The following KIAA1217 variants were observed in gnomAD, a reference collection of about 807,000 sequenced individuals.
KIAA1217 encodes the protein KIAA1217, also known as sickle tail protein homolog.
A neutral mutation model predicts 163.9 loss-of-function variants in KIAA1217; 88 were observed. The observed-to-expected ratio is 0.54, with a 90% CI of 0.45 to 0.64. The LOEUF is 0.64. Ranked by LOEUF, KIAA1217 falls within the 30% of genes least tolerant of loss-of-function variation. The probability of loss-of-function intolerance (pLI) is 0.00; values close to 1 mark genes in which losing one functional copy is unlikely to be tolerated. For missense variants in KIAA1217, 2,372 were observed against 2,475.0 expected (o/e 0.96, Z 0.88); for synonymous variants, 903 against 923.1 (o/e 0.98, Z 0.39).
intron 2 of KIAA1217, among the ~76,000 whole-genome samples, chr10:24,065,773 G>T (rs796850330): frequency 2.0e-5 from 3 of 152,152 alleles, no homozygotes; most frequent in Non-Finnish European, 4.4e-5. Context: ...TTGTGTGGGA[G>T]TCTAAGTCTC....
chr10:24,410,416 A>T (rs2131317232), intron 3 of KIAA1217, among the ~76,000 whole-genome samples: 1 of 152,152 alleles, frequency 6.6e-6, no homozygotes, highest in South Asian at 2.1e-4. Flanking sequence ...GGTCACACAC[A>T]TTTTTCTGCA....
chr10:24,341,656 G>C (rs1343288323), intron 2 of KIAA1217, among the ~76,000 whole-genome samples: 1 of 152,160 alleles, frequency 6.6e-6, no homozygotes, highest in Non-Finnish European at 1.5e-5. Context: ...AATGAACTGA[G>C]GTTGTAATTT....
At chr10:24,324,574 A>G (rs560393485) in intron 2 of KIAA1217, among the ~76,000 whole-genome samples, 1 of 152,286 alleles carries the variant, frequency 6.6e-6, no homozygotes, top group East Asian at 1.9e-4. Flanking sequence ...ATCAAAACAA[A>G]CAAACAAACA....
chr10:23,719,562 C>T (rs1837751389), intron 1 of KIAA1217, among the ~76,000 whole-genome samples: 1 of 141,678 alleles, frequency 7.1e-6, no homozygotes, highest in Non-Finnish European at 1.5e-5. Context: ...GCCTGGGTGA[C>T]AAAGCGAGAC....
intron 1 of KIAA1217, among the ~76,000 whole-genome samples, chr10:23,950,709 T>TG (rs1175452618): frequency 9.2e-5 from 14 of 152,042 alleles, no homozygotes; most frequent in Admixed American, 9.2e-4. Context: ...TGAAAAGGGA[T>TG]GGGGTGGGGA....
intron 2 of KIAA1217, among the ~76,000 whole-genome samples, chr10:24,327,527 G>GT (rs2045079936): frequency 1.3e-5 from 2 of 152,124 alleles, no homozygotes; most frequent in Non-Finnish European, 2.9e-5. Flanking sequence ...GTCTTGTTCT[G>GT]TTGCCCAGGC....
chr10:23,909,355 TA>T (rs1302835070), intron 1 of KIAA1217, among the ~76,000 whole-genome samples: 7 of 150,526 alleles, frequency 4.7e-5, no homozygotes, highest in East Asian at 3.9e-4. Flanking sequence ...CCATTGGAAA[TA>T]AAAAAAATTA....
At chr10:24,415,440 C>T (rs758973167) in intron 3 of KIAA1217, among the ~76,000 whole-genome samples, 1 of 151,990 alleles carries the variant, frequency 6.6e-6, no homozygotes, top group South Asian at 2.1e-4. Context: ...ACCCTCCTTG[C>T]ACCTGTACTT....
At chr10:24,538,738 T>TTTG (rs201940208) in intron 17 of KIAA1217, among the ~76,000 whole-genome samples, 7,573 of 138,708 alleles carry the variant, frequency 0.055, 1,005 homozygotes, top group African/African-American at 0.18. Flanking sequence ...TTTGGTTTTT[T>TTTG]TTTTTTTTTT....
At chr10:24,542,425 T>A in intron 17 of KIAA1217, 1 of 962,396 alleles carries the variant, frequency 1.0e-6, no homozygotes, top group South Asian at 2.1e-5. Flanking sequence ...TCTGTCCCTT[T>A]ATTTTCTTCA....
intron 13 of KIAA1217, among the ~76,000 whole-genome samples, chr10:24,527,593 G>T (rs574903081): frequency 6.6e-6 from 1 of 152,040 alleles, no homozygotes; most frequent in Non-Finnish European, 1.5e-5. Flanking sequence ...AAGCCCAGAT[G>T]TTGGAGGCTG....
chr10:24,259,357 A>G (rs747310631), intron 2 of KIAA1217, among the ~76,000 whole-genome samples: 2 of 152,138 alleles, frequency 1.3e-5, no homozygotes, highest in Non-Finnish European at 1.5e-5. Context: ...ATATACCTGT[A>G]ACTTCAGTGC....
At position 23,912,379 on chromosome 10, in the gene KIAA1217, T is replaced by C. The variant is rs140182465; in HGVS notation, c.-320-94846T>C. ...TTTTTGGTTTGGGGTTATACGTGCA[T>C]GTTTGTTATATAATTGCGTAGTGGT... On this transcript the variant is annotated intron_variant, in intron 1 of 18. Transcript: ENST00000376462. Among the ~76,000 whole-genome samples the C allele has an allele frequency of 4.3e-4, 62 of 144,458 alleles. 3 individuals carry two copies. The East Asian group carries it at 0.012, about 28-fold the overall frequency. The allele number at this position is 144,458 out of a possible 152,430, so 94.8% of individuals were successfully genotyped here. A position where few individuals can be genotyped will look rare whatever the true frequency, so the allele number is the denominator to read the frequency against.
intron 2 of KIAA1217, among the ~76,000 whole-genome samples, chr10:24,126,115 C>T (rs565825168): frequency 6.6e-6 from 1 of 152,048 alleles, no homozygotes; most frequent in East Asian, 1.9e-4. Flanking sequence ...TTAAATAATG[C>T]CAATTTATAA....
chr10:23,821,253 G>A (rs796759172), intron 1 of KIAA1217, among the ~76,000 whole-genome samples: 2 of 152,118 alleles, frequency 1.3e-5, no homozygotes, highest in South Asian at 4.1e-4. Context: ...TGTGTTTTAA[G>A]TGTCAGTTCC....
intron 1 of KIAA1217, among the ~76,000 whole-genome samples, chr10:23,849,107 G>T (rs1481864623): frequency 1.3e-5 from 2 of 152,038 alleles, no homozygotes; most frequent in Non-Finnish European, 2.9e-5. Context: ...AAATACTGTT[G>T]TTGATACAAT....
rs544589058 is a variant in KIAA1217, at chr10:23,879,804, G to T, written c.-320-127421G>T. On this transcript the variant is annotated intron_variant, in intron 1 of 18. Transcript: ENST00000376462. ...TGCATATTTGTGTGCTCTTGGAAATGATCCAATAATAGAGGAAAATGATAA... is the reference window on the plus strand; with the variant it reads ...TGCATATTTGTGTGCTCTTGGAAATTATCCAATAATAGAGGAAAATGATAA... Among the ~76,000 whole-genome samples the T allele has an allele frequency of 2.0e-5, 3 of 151,980 alleles. No homozygotes were observed. The South Asian group carries it at 6.2e-4, about 32-fold the overall frequency.
chr10:23,879,716 G>A (rs1840864572), intron 1 of KIAA1217, among the ~76,000 whole-genome samples: 1 of 151,910 alleles, frequency 6.6e-6, no homozygotes, highest in South Asian at 2.1e-4. Flanking sequence ...GAGAATCAGG[G>A]AGTTAGCTAA....
At position 24,287,331 on chromosome 10, in the gene KIAA1217, G is replaced by A. The variant is rs577202191; in HGVS notation, c.354+67422G>A. ...CTCCCAAAGTGCTGGGGTTACGGGC[G>A]TGAGCCACCGTGCTTGGCCATCTCA... On this transcript the variant is annotated intron_variant, in intron 2 of 20. Coordinates refer to ENST00000376454, the MANE Select transcript of KIAA1217 (RefSeq NM_019590.5). 1.9e-4 allele frequency among the ~76,000 whole-genome samples: 29 copies of A among 152,324 alleles called. No homozygotes were observed. In the South Asian group the frequency reaches 5.0e-3, roughly 26 times the overall value.
Sources: gnomAD v4.1 joint callset for allele counts (sites outside exome capture counted in the v4.1 genomes callset) on GRCh38, gnomAD v4.1.1 for gene constraint, MANE v1.5 for transcripts, NCBI Gene and HGNC (gene_info 2026-07-23, HGNC 2026-07-21) for gene names.